WDR59: variants seen among roughly 807,000 people sequenced by gnomAD.
WDR59 encodes GATOR2 complex protein WDR59.
In WDR59, 100 loss-of-function variants were observed where a neutral mutation model predicts 131.2. The observed-to-expected ratio is 0.76, with a 90% confidence interval of 0.65 to 0.90. WDR59 has a LOEUF of 0.90. WDR59 is among the 40% of genes least tolerant of loss of function. WDR59 has a pLI of 0.00. For missense variants in WDR59, 1,203 were observed against 1,262.2 expected (o/e 0.95, Z 0.71); for synonymous variants, 601 against 466.2 (o/e 1.29, Z -3.72).
chr16:74,981,660 A>ATAT (rs1567451007), intron 1 of WDR59, among the ~76,000 whole-genome samples: 3 of 80,864 alleles, frequency 3.7e-5, no homozygotes, highest in African/African-American at 2.2e-4. Context: ...ATATATATAT[A>ATAT]TTTTTTTTTT....
chr16:74,924,726 C>CT (rs1472157420), intron 8 of WDR59, among the ~76,000 whole-genome samples: 1 of 152,194 alleles, frequency 6.6e-6, no homozygotes, highest in East Asian at 1.9e-4. Context: ...CTCGGAACTG[C>CT]TTAAGTTTAG....
At chr16:74,955,470 T>TA (rs1341675825) in intron 3 of WDR59, among the ~76,000 whole-genome samples, 2 of 152,010 alleles carry the variant, frequency 1.3e-5, no homozygotes, top group African/African-American at 4.8e-5. Flanking sequence ...ATAAACCAAC[T>TA]AAAAGAGCTC....
At chr16:74,899,274 C>G (rs1965435259) in intron 18 of WDR59, among the ~76,000 whole-genome samples, 1 of 152,192 alleles carries the variant, frequency 6.6e-6, no homozygotes, top group African/African-American at 2.4e-5. Flanking sequence ...CCTCTGTGAA[C>G]TAGACCAGGA....
chr16:74,923,016 T>C (rs1389059406), intron 9 of WDR59, among the ~76,000 whole-genome samples: 1 of 152,228 alleles, frequency 6.6e-6, no homozygotes, highest in Non-Finnish European at 1.5e-5. Flanking sequence ...GGAAAATTAC[T>C]AGAAGGTTGA....
At chr16:74,925,364 C>A (rs1042222682) in intron 8 of WDR59, among the ~76,000 whole-genome samples, 1 of 151,790 alleles carries the variant, frequency 6.6e-6, no homozygotes, top group African/African-American at 2.4e-5. Context: ...GCCAACATGG[C>A]GAAACCCCAT....
intron 24 of WDR59, 97 bp downstream of exon 24, chr16:74,886,173 T>A (rs1964749148): frequency 2.8e-6 from 3 of 1,061,778 alleles, no homozygotes; most frequent in East Asian, 4.6e-5. Flanking sequence ...TAAGATTCTG[T>A]GTCCAAAAAA....
At chr16:74,952,723 T>G (rs1473917651) in intron 3 of WDR59, among the ~76,000 whole-genome samples, 1 of 151,196 alleles carries the variant, frequency 6.6e-6, no homozygotes, top group Admixed American at 6.6e-5. Flanking sequence ...TAAAGATTAC[T>G]AGTAGGCTGA....
chr16:74,972,821 T>TTAAAAAA (rs1455301675), intron 1 of WDR59, among the ~76,000 whole-genome samples: 1 of 55,044 alleles, frequency 1.8e-5, no homozygotes, highest in African/African-American at 5.3e-5. Flanking sequence ...GACTCTGTCT[T>TTAAAAAA]AAAAAAAAAA....
At chr16:74,926,059 A>T (rs78822221) in intron 8 of WDR59, among the ~76,000 whole-genome samples, 1,509 of 129,180 alleles carry the variant, frequency 0.012, 26 homozygotes, top group African/African-American at 0.04. Context: ...AGTCTAATAA[A>T]TTTTTTTTTT....
At chr16:74,981,688 C>T (rs1164940216) in intron 1 of WDR59, among the ~76,000 whole-genome samples, 5 of 98,536 alleles carry the variant, frequency 5.1e-5, no homozygotes, top group East Asian at 6.1e-4. Flanking sequence ...TGGAGTCTCA[C>T]TCTGTCGCCC....
At chr16:74,914,594 A>AT (rs34327012) in intron 13 of WDR59, among the ~76,000 whole-genome samples, 2 of 137,044 alleles carry the variant, frequency 1.5e-5, no homozygotes, top group African/African-American at 2.7e-5. Flanking sequence ...ACAGCAGACT[A>AT]TTTTTTTTTT....
At chr16:74,947,159 A>C (rs569562255) in intron 6 of WDR59, among the ~76,000 whole-genome samples, 4 of 152,280 alleles carry the variant, frequency 2.6e-5, no homozygotes, top group Admixed American at 2.6e-4. Context: ...ATGTTAAACA[A>C]CACCATGGGC....
chr16:74,939,263 G>A (rs2032040223), intron 7 of WDR59, among the ~76,000 whole-genome samples: 2 of 151,994 alleles, frequency 1.3e-5, no homozygotes, highest in African/African-American at 2.4e-5. Context: ...TGTCTTAAGG[G>A]AATAATCCAA....
intron 1 of WDR59, among the ~76,000 whole-genome samples, chr16:74,982,331 G>A (rs1436916137): frequency 6.6e-6 from 1 of 151,892 alleles, no homozygotes; most frequent in African/African-American, 2.4e-5. Context: ...CACATAAAGA[G>A]GAAGCCTTGT....
intron 8 of WDR59, among the ~76,000 whole-genome samples, chr16:74,933,050 G>C (rs989978916): frequency 6.6e-6 from 1 of 152,260 alleles, no homozygotes; most frequent in Admixed American, 6.5e-5. Context: ...TTGTGGAAAA[G>C]ATTTTTGTGC....
At chr16:74,960,339 A>C (rs2033503166) in intron 2 of WDR59, among the ~76,000 whole-genome samples, 1 of 151,918 alleles carries the variant, frequency 6.6e-6, no homozygotes. Flanking sequence ...TAAAAAAAAG[A>C]AAGAAGCTAA....
At chr16:74,885,559 A>G (rs1311395743) in intron 25 of WDR59, 94 bp downstream of exon 25, 1 of 1,425,434 alleles carries the variant, frequency 7.0e-7, no homozygotes, top group Admixed American at 2.5e-5. Flanking sequence ...TAGAAATGAG[A>G]AGCTGAAACT....
chr16:74,923,052 G>A (rs1377083958), intron 9 of WDR59, among the ~76,000 whole-genome samples: 2 of 152,114 alleles, frequency 1.3e-5, no homozygotes, highest in African/African-American at 4.8e-5. Flanking sequence ...TCTATTTGTA[G>A]CATTTAATGG....
intron 17 of WDR59, chr16:74,904,313 G>C (rs1322845863): frequency 3.7e-6 from 2 of 537,410 alleles, no homozygotes; most frequent in African/African-American, 1.9e-5. Flanking sequence ...AAATTCAAAG[G>C]AATCTACAAA....
Sources: allele counts gnomAD v4.1 joint callset (sites outside exome capture counted in the v4.1 genomes callset), GRCh38; gene constraint gnomAD v4.1.1; transcripts MANE v1.5; gene names NCBI Gene and HGNC (gene_info 2026-07-23, HGNC 2026-07-21).